SLC13A3: variants seen among roughly 807,000 people sequenced by gnomAD.
SLC13A3 encodes the protein solute carrier family 13 member 3.
Under a neutral mutation model 59.0 loss-of-function variants are expected in SLC13A3, and 40 were observed. The observed-to-expected ratio is 0.68, with a 90% CI of 0.53 to 0.88. The LOEUF is 0.88. Ranked by LOEUF, SLC13A3 falls within the 40% of genes least tolerant of loss-of-function variation. The pLI, the probability that SLC13A3 is intolerant of heterozygous loss-of-function variation, is 0.00. For synonymous variants in SLC13A3, 317 were observed against 330.3 expected, an observed-to-expected ratio of 0.96 and a Z score of 0.44; for missense variants, 699 against 783.2, an observed-to-expected ratio of 0.89 and a Z score of 1.28.
chr20:46,617,056 T>G (rs1224498304), intron 1 of SLC13A3, among the ~76,000 whole-genome samples: 6 of 152,216 alleles, frequency 3.9e-5, no homozygotes, highest in Non-Finnish European at 8.8e-5. Context: ...GCTTTATATG[T>G]TTTCTCCTCT....
chr20:46,653,351 T>C (rs536223496), upstream of SLC13A3, among the ~76,000 whole-genome samples: 33 of 152,330 alleles, frequency 2.2e-4, no homozygotes, highest in African/African-American at 7.9e-4. Flanking sequence ...TTTAGTTTGC[T>C]TTGTTCTCAC....
chr20:46,615,876 T>C lies in SLC13A3; in HGVS notation c.112-2151A>G, dbSNP rs551156733. Among the ~76,000 whole-genome samples the C allele has an allele frequency of 3.0e-4, 45 of 152,352 alleles. No homozygotes were observed. The South Asian group carries it at 6.0e-3, about 20-fold the overall frequency. ...TTCTGTACAGCACATCCTATTTTCC[T>C]ATTGACTTAAGATACATTGTTTTAG... On this transcript the variant is annotated intron_variant, in intron 1 of 12. Coordinates refer to ENST00000279027, the MANE Select transcript of SLC13A3 (RefSeq NM_022829.6).
chr20:46,643,649 G>GC (rs2062866864), intron 1 of SLC13A3, among the ~76,000 whole-genome samples: 2 of 152,188 alleles, frequency 1.3e-5, no homozygotes, highest in African/African-American at 2.4e-5. Flanking sequence ...TTGAGAGCTA[G>GC]CTACGATCTG....
At chr20:46,638,821 G>C (rs1223967104) in intron 1 of SLC13A3, among the ~76,000 whole-genome samples, 3 of 152,180 alleles carry the variant, frequency 2.0e-5, no homozygotes. Flanking sequence ...TCTCTGTGGG[G>C]GGCTGTCCTG....
chr20:46,640,087 G>C (rs1392513486), intron 1 of SLC13A3, among the ~76,000 whole-genome samples: 1 of 152,192 alleles, frequency 6.6e-6, no homozygotes, highest in Non-Finnish European at 1.5e-5. Context: ...ACCATGCCTG[G>C]CACTTAGTAG....
intron 11 of SLC13A3, among the ~76,000 whole-genome samples, chr20:46,565,637 T>A (rs745970773): frequency 9.2e-5 from 14 of 152,132 alleles, no homozygotes; most frequent in Non-Finnish European, 1.5e-4. Context: ...GGCTGGTGAT[T>A]TTTAGCCCAG....
At chr20:46,649,568 C>A (rs2122882517) in intron 1 of SLC13A3, among the ~76,000 whole-genome samples, 1 of 152,244 alleles carries the variant, frequency 6.6e-6, no homozygotes, top group South Asian at 2.1e-4. Flanking sequence ...AGCAATCAGT[C>A]AAGGCTCAGC....
chr20:46,667,281 G>C (rs937833763), intron 1 of SLC13A3, among the ~76,000 whole-genome samples: 2 of 152,122 alleles, frequency 1.3e-5, no homozygotes, highest in Admixed American at 1.3e-4. Context: ...CTCCAAACTG[G>C]AAAAGGTATT....
At chr20:46,664,839 G>C (rs545500746) in intron 1 of SLC13A3, among the ~76,000 whole-genome samples, 5 of 152,154 alleles carry the variant, frequency 3.3e-5, no homozygotes, top group African/African-American at 7.2e-5. Flanking sequence ...GGAAGAAAGA[G>C]AAGTCAAACG....
chr20:46,578,031 C>T (rs1600509817), intron 9 of SLC13A3, among the ~76,000 whole-genome samples: 3 of 152,034 alleles, frequency 2.0e-5, no homozygotes, highest in Non-Finnish European at 4.4e-5. Context: ...GATGGAGTCT[C>T]GTCTCTGTCG....
chr20:46,653,157 C>A (rs2062963963), upstream of SLC13A3, among the ~76,000 whole-genome samples: 1 of 152,152 alleles, frequency 6.6e-6, no homozygotes, highest in Non-Finnish European at 1.5e-5. Flanking sequence ...GATGTCAGTT[C>A]TTTGCCAGTT....
intron 1 of SLC13A3, among the ~76,000 whole-genome samples, chr20:46,676,757 G>T (rs1278764975): frequency 6.6e-6 from 1 of 151,962 alleles, no homozygotes; most frequent in African/African-American, 2.4e-5. Flanking sequence ...TGGCAGATCT[G>T]AACTGAGATT....
At chr20:46,633,117 C>G (rs1305069205) in intron 1 of SLC13A3, among the ~76,000 whole-genome samples, 1 of 152,126 alleles carries the variant, frequency 6.6e-6, no homozygotes, top group African/African-American at 2.4e-5. Context: ...TAAGCTACTT[C>G]ACGTCCACCA....
intron 1 of SLC13A3, among the ~76,000 whole-genome samples, chr20:46,663,899 G>C (rs576721548): frequency 6.6e-6 from 1 of 152,262 alleles, no homozygotes; most frequent in African/African-American, 2.4e-5. Context: ...GAACAAAGTA[G>C]CAGTGAGTAT....
At chr20:46,658,949 A>G (rs1165818434) in intron 1 of SLC13A3, among the ~76,000 whole-genome samples, 4 of 152,152 alleles carry the variant, frequency 2.6e-5, no homozygotes, top group Non-Finnish European at 4.4e-5. Context: ...GTTGAAGTCC[A>G]CTTTATCTGA....
chr20:46,617,279 A>T (rs2062565637), intron 1 of SLC13A3, among the ~76,000 whole-genome samples: 1 of 152,224 alleles, frequency 6.6e-6, no homozygotes, highest in South Asian at 2.1e-4. Flanking sequence ...GGAAGCTGGT[A>T]CAAGGAAAAT....
intron 1 of SLC13A3, among the ~76,000 whole-genome samples, chr20:46,656,607 T>A (rs1342031450): frequency 6.8e-6 from 1 of 147,210 alleles, no homozygotes; most frequent in East Asian, 1.9e-4. Context: ...TGATATATAC[T>A]ATAGTGTATA....
At chr20:46,563,821 C>G (rs1037835916) in intron 11 of SLC13A3, among the ~76,000 whole-genome samples, 1 of 152,020 alleles carries the variant, frequency 6.6e-6, no homozygotes, top group African/African-American at 2.4e-5. Context: ...AGAACCAGAT[C>G]GAGAGAGAGG....
intron 12 of SLC13A3, among the ~76,000 whole-genome samples, chr20:46,562,833 G>A (rs1011612725): frequency 6.6e-5 from 10 of 152,160 alleles, no homozygotes; most frequent in Non-Finnish European, 1.3e-4. Flanking sequence ...CTTGTGCCTG[G>A]AGGGCCTGCA....
Sources: allele counts gnomAD v4.1 joint callset (sites outside exome capture counted in the v4.1 genomes callset), GRCh38; gene constraint gnomAD v4.1.1; transcripts MANE v1.5; gene names NCBI Gene and HGNC (gene_info 2026-07-23, HGNC 2026-07-21).